The following PHAF1 variants were observed in gnomAD, a reference collection of about 807,000 sequenced individuals.
PHAF1 encodes the protein phagosome assembly factor 1.
PHAF1 carries 23 observed loss-of-function variants against 63.1 expected under a neutral mutation model. The ratio of observed to expected loss-of-function variants is 0.36; its 90% CI spans 0.26 to 0.52. The LOEUF (loss-of-function observed/expected upper bound fraction) is 0.52, where lower values mean the gene tolerates loss of function less well. Among genes scored for constraint, PHAF1 ranks in the 20% least tolerant of loss-of-function variants. The pLI is 0.93. For missense variants in PHAF1, 427 were observed against 517.2 expected (o/e 0.83, Z 1.69); for synonymous variants, 167 against 185.0 (o/e 0.90, Z 0.79).
chr16:67,115,043 G>A (rs1962683014), intron 1 of PHAF1, among the ~76,000 whole-genome samples: 1 of 152,218 alleles, frequency 6.6e-6, no homozygotes, highest in African/African-American at 2.4e-5. Context: ...ATAGCCTATT[G>A]GAGAGACTTG....
chr16:67,126,105 G>A (rs12599289), intron 3 of PHAF1, 63 bp downstream of exon 3: 2 of 1,249,780 alleles, frequency 1.6e-6, no homozygotes, highest in Middle Eastern at 1.9e-4. Context: ...GAGCTAATTA[G>A]TATGTGCTAT....
chr16:67,140,710 C>A, intron 10 of PHAF1, 116 bp downstream of exon 10: 1 of 833,546 alleles, frequency 1.2e-6, no homozygotes, highest in Non-Finnish European at 1.9e-6. Context: ...GGGAACCTAG[C>A]CCCAGCTGTC....
intron 2 of PHAF1, among the ~76,000 whole-genome samples, chr16:67,125,744 C>T (rs1321051648): frequency 2.6e-5 from 4 of 152,034 alleles, no homozygotes; most frequent in African/African-American, 4.8e-5. Context: ...TCTTTTCAGC[C>T]GATATTAAGA....
At chr16:67,135,802 A>C (rs1963585210) in intron 8 of PHAF1, 1 of 152,100 alleles carries the variant, frequency 6.6e-6, no homozygotes, top group Admixed American at 6.6e-5. Context: ...GCCGGTGTGC[A>C]TTGGAATACT....
intron 8 of PHAF1, among the ~76,000 whole-genome samples, chr16:67,137,028 G>A (rs866152300): frequency 1.3e-5 from 2 of 152,062 alleles, no homozygotes; most frequent in African/African-American, 2.4e-5. Context: ...GGTGGCAGGC[G>A]CCTGTAGTTC....
intron 15 of PHAF1, 127 bp from the exon 16 acceptor site, chr16:67,146,918 G>A: frequency 1.2e-6 from 1 of 832,090 alleles, no homozygotes; most frequent in Admixed American, 1.8e-5. Flanking sequence ...AACCAGGGGA[G>A]GTTGAGGAGT....
chr16:67,112,381 CAAAAAAA>C lies in PHAF1; in HGVS notation c.64+2158_64+2164del, dbSNP rs964546436. ...CAACATAGTGAGACCTCGTTTCTAC[CAAAAAAA>C]AAAAAAAAAAAAAAAGCCAGGCCTG... is the stretch of plus-strand genomic sequence containing the variant. On this transcript the variant is annotated intron_variant, in intron 1 of 15. Coordinates refer to ENST00000219139, the MANE Select transcript of PHAF1 (RefSeq NM_025187.5). Among the ~76,000 whole-genome samples, 190 of 45,384 alleles carry C rather than the reference CAAAAAAA, an allele frequency of 4.2e-3. 1 individual carries two copies. The highest frequency in any genetic ancestry group is 0.022 in the Middle Eastern group (2 of 92). 29.8% of individuals were successfully genotyped at this position (45,384 alleles called of 152,430 possible).
At position 67,147,071 on chromosome 16, in the gene PHAF1, G is replaced by A. The variant is rs374410393; in HGVS notation, c.1209G>A (p.Ser403=). 2.5e-5 allele frequency: 40 copies of A among 1,613,732 alleles called. No individual in the cohort carries two copies. In the Middle Eastern group the frequency reaches 4.9e-4, roughly 20 times the overall value. ...FEVMQNNHIA[S]VTLYGPPRPG... Reference sequence around the variant, plus strand: ...TCATGCAGAACAACCACATTGCCTCGGTGACCCTGTATGGCCCCCCCAGGC... The same window carrying A: ...TCATGCAGAACAACCACATTGCCTCAGTGACCCTGTATGGCCCCCCCAGGC... The change falls in exon 16 of 16, where the codon TCG becomes TCA. Residue 403 remains serine, a synonymous_variant. Transcript: ENST00000219139.
At chr16:67,143,473 C>T (rs1032790241) in intron 10 of PHAF1, among the ~76,000 whole-genome samples, 12 of 152,182 alleles carry the variant, frequency 7.9e-5, no homozygotes, top group African/African-American at 2.7e-4. Context: ...AGTCTGCATC[C>T]TCGGATTCTC....
At chr16:67,116,662 C>T (rs1443768592) in intron 1 of PHAF1, among the ~76,000 whole-genome samples, 2 of 152,164 alleles carry the variant, frequency 1.3e-5, no homozygotes, top group Non-Finnish European at 2.9e-5. Context: ...CCAGTCTGGG[C>T]AACACAGTGA....
intron 13 of PHAF1, 62 bp from the exon 14 acceptor site, chr16:67,145,508 C>T: frequency 6.2e-7 from 1 of 1,612,220 alleles, no homozygotes; most frequent in Non-Finnish European, 8.5e-7. Flanking sequence ...TCTAGGCCAG[C>T]CATTGGTCAC....
At chr16:67,126,191 G>T (rs1323319321) in intron 3 of PHAF1, 149 bp downstream of exon 3, 1 of 622,720 alleles carries the variant, frequency 1.6e-6, no homozygotes, top group Non-Finnish European at 2.8e-6. Flanking sequence ...GGGAACTGAA[G>T]CTGTGCCTGT....
intron 2 of PHAF1, among the ~76,000 whole-genome samples, chr16:67,120,701 G>A (rs537890301): frequency 3.9e-4 from 59 of 151,788 alleles, no homozygotes; most frequent in Non-Finnish European, 6.8e-4. Flanking sequence ...CTGCAGTTCT[G>A]TGACACAGAC....
intron 8 of PHAF1, among the ~76,000 whole-genome samples, chr16:67,136,689 C>G (rs1331249842): frequency 6.7e-6 from 1 of 149,842 alleles, no homozygotes; most frequent in Non-Finnish European, 1.5e-5. Flanking sequence ...CACAAGGAAT[C>G]CTTCTGCCTC....
chr16:67,126,594 G>GTTTTTTTTTTTTT (rs201265915), intron 3 of PHAF1, among the ~76,000 whole-genome samples: 3 of 144,274 alleles, frequency 2.1e-5, no homozygotes, highest in South Asian at 2.1e-4. Flanking sequence ...TTTTGTTTTT[G>GTTTTTTTTTTTTT]GTTTTTTTTT....
chr16:67,123,426 A>C (rs1215868603), intron 2 of PHAF1, among the ~76,000 whole-genome samples: 2 of 151,988 alleles, frequency 1.3e-5, no homozygotes, highest in African/African-American at 4.8e-5. Flanking sequence ...AAAGTACAAA[A>C]ATTAGCCAGG....
chr16:67,122,149 C>G (rs2145836879), intron 2 of PHAF1, among the ~76,000 whole-genome samples: 1 of 152,264 alleles, frequency 6.6e-6, no homozygotes, highest in South Asian at 2.1e-4. Flanking sequence ...ATCCTCCCAC[C>G]TCAGCCTCCC....
rs1426112040 is a variant in PHAF1 at position 67,115,839 on chromosome 16, T to C, written c.65-4273T>C. On this transcript the variant is annotated intron_variant, in intron 1 of 15. Coordinates refer to ENST00000219139, the MANE Select transcript of PHAF1 (RefSeq NM_025187.5). ...GATGCTGAGACATCCTTTGATGTGG[T>C]AAATGGAATCCTCCCTCAAGAAACT... Among the ~76,000 whole-genome samples, 6 of 152,080 alleles carry C rather than the reference T, an allele frequency of 3.9e-5. No homozygotes were observed. The East Asian group carries it at 1.2e-3, about 29-fold the overall frequency.
intron 12 of PHAF1, 28 bp from the exon 13 acceptor site, chr16:67,145,348 A>T: frequency 6.2e-7 from 1 of 1,613,684 alleles, no homozygotes; most frequent in Non-Finnish European, 8.5e-7. Flanking sequence ...GCCAGCTACA[A>T]ATCTGCCCCA....
Sources: gnomAD v4.1 joint callset for allele counts (sites outside exome capture counted in the v4.1 genomes callset) on GRCh38, gnomAD v4.1.1 for gene constraint, MANE v1.5 for transcripts, NCBI Gene and HGNC (gene_info 2026-07-23, HGNC 2026-07-21) for gene names.